Variants in ODAD2 observed in about 807,000 individuals in gnomAD.
ODAD2 encodes the protein outer dynein arm docking complex subunit 2.
ODAD2 carries 89 observed loss-of-function variants against 106.8 expected under a neutral mutation model. That is an observed-to-expected ratio of 0.83 (90% CI 0.70 to 0.99). The LOEUF is 0.99. Among genes scored for constraint, ODAD2 ranks in the 50% least tolerant of loss-of-function variants. The probability of loss-of-function intolerance (pLI) is 0.00; values close to 1 mark genes in which losing one functional copy is unlikely to be tolerated. For missense variants in ODAD2, 1,168 were observed against 1,238.5 expected (o/e 0.94, Z 0.85); for synonymous variants, 404 against 436.2 (o/e 0.93, Z 0.92).
chr10:27,897,088 C>G (rs1842910105), intron 17 of ODAD2, among the ~76,000 whole-genome samples: 1 of 152,118 alleles, frequency 6.6e-6, no homozygotes. Flanking sequence ...GTTGAACATT[C>G]TCCCTCCCTC....
intron 10 of ODAD2, among the ~76,000 whole-genome samples, chr10:27,952,398 T>A (rs1847411602): frequency 6.6e-6 from 1 of 152,018 alleles, no homozygotes; most frequent in Admixed American, 6.6e-5. Context: ...TATTTTATTT[T>A]TTTTTTTTAC....
intron 16 of ODAD2, 84 bp from the exon 17 acceptor site, chr10:27,907,861 T>G (rs1843712876): frequency 1.0e-6 from 1 of 967,736 alleles, no homozygotes; most frequent in African/African-American, 1.7e-5. Context: ...TTTAATTATT[T>G]TTTCTCCTTT....
intron 19 of ODAD2, among the ~76,000 whole-genome samples, chr10:27,852,137 C>T (rs987911637): frequency 3.3e-5 from 5 of 151,942 alleles, no homozygotes; most frequent in Admixed American, 6.6e-5. Flanking sequence ...AAGACCTGAA[C>T]GAATTTATCA....
At chr10:27,841,557 G>A (rs1398741292) in intron 19 of ODAD2, among the ~76,000 whole-genome samples, 7 of 151,816 alleles carry the variant, frequency 4.6e-5, no homozygotes, top group East Asian at 1.9e-4. Flanking sequence ...CACCATGCCC[G>A]GCTAATTTTT....
intron 9 of ODAD2, among the ~76,000 whole-genome samples, chr10:27,962,606 A>G (rs1227325514): frequency 2.0e-5 from 3 of 152,254 alleles, no homozygotes; most frequent in Non-Finnish European, 4.4e-5. Flanking sequence ...ACTCTGAGAG[A>G]CATTACCATG....
chr10:27,937,968 G>A (rs970460880), intron 14 of ODAD2, among the ~76,000 whole-genome samples: 8 of 151,850 alleles, frequency 5.3e-5, no homozygotes, highest in Non-Finnish European at 1.0e-4. Flanking sequence ...TTTTTAGATC[G>A]AGTTGCTCTC....
intron 17 of ODAD2, among the ~76,000 whole-genome samples, chr10:27,875,286 T>G (rs1165855930): frequency 2.0e-5 from 3 of 152,164 alleles, no homozygotes; most frequent in Non-Finnish European, 2.9e-5. Context: ...TTTAGCTGCT[T>G]TGTGATGGTT....
chr10:27,906,806 T>C (rs1026305780), intron 17 of ODAD2, among the ~76,000 whole-genome samples: 8 of 152,078 alleles, frequency 5.3e-5, no homozygotes, highest in African/African-American at 1.2e-4. Flanking sequence ...AAGCGGGAGT[T>C]GAACAATGAG....
intron 16 of ODAD2, among the ~76,000 whole-genome samples, chr10:27,914,143 C>T (rs555742442): frequency 6.6e-6 from 1 of 151,992 alleles, no homozygotes; most frequent in Non-Finnish European, 1.5e-5. Flanking sequence ...GAGTACTACA[C>T]AGCCATAAAA....
At chr10:27,915,682 G>C (rs1431567899) in intron 16 of ODAD2, among the ~76,000 whole-genome samples, 1 of 152,090 alleles carries the variant, frequency 6.6e-6, no homozygotes, top group Non-Finnish European at 1.5e-5. Context: ...AATGCTAGAA[G>C]GAAAAGAACT....
intron 16 of ODAD2, among the ~76,000 whole-genome samples, chr10:27,918,963 T>A (rs977686024): frequency 1.3e-5 from 2 of 150,082 alleles, no homozygotes; most frequent in Non-Finnish European, 3.0e-5. Context: ...AAACCACAAA[T>A]AAGTAGATAA....
intron 17 of ODAD2, chr10:27,904,236 A>T: frequency 2.5e-6 from 1 of 402,748 alleles, no homozygotes; most frequent in Non-Finnish European, 5.0e-6. Context: ...AGCCTTCCAG[A>T]CTTTCTGTAA....
chr10:27,929,086 G>A (rs1198106126), intron 16 of ODAD2, among the ~76,000 whole-genome samples: 5 of 152,122 alleles, frequency 3.3e-5, no homozygotes, highest in Non-Finnish European at 1.5e-5. Flanking sequence ...AAATTCGATT[G>A]TGTAAAGGTG....
At position 27,932,312 on chromosome 10, in the gene ODAD2, T is replaced by C. The variant is rs907278226; in HGVS notation, c.2495+2698A>G. Among the ~76,000 whole-genome samples the C allele has an allele frequency of 3.9e-5, 6 of 152,256 alleles. No individual in the cohort carries two copies. The Middle Eastern group carries it at 0.01, about 259-fold the overall frequency. On this transcript the variant is annotated intron_variant, in intron 16 of 19. Coordinates refer to ENST00000305242, the MANE Select transcript of ODAD2 (RefSeq NM_018076.5). ...TTGAAATCTCATGAAAGTTATTGAA[T>C]ACTGTACTGAAATTGAAGAAAAGAA...
intron 19 of ODAD2, 38 bp downstream of exon 19, chr10:27,860,587 C>G (rs1839967266): frequency 1.9e-6 from 3 of 1,590,208 alleles, no homozygotes; most frequent in Non-Finnish European, 2.6e-6. Flanking sequence ...GCTACATTTA[C>G]CAAACTTGGA....
At chr10:27,853,968 G>A (rs779369913) in intron 19 of ODAD2, among the ~76,000 whole-genome samples, 2 of 151,976 alleles carry the variant, frequency 1.3e-5, no homozygotes, top group Non-Finnish European at 2.9e-5. Flanking sequence ...AGCTACAGAC[G>A]GGGAGAAAAT....
At chr10:27,877,035 C>T (rs1198043009) in intron 17 of ODAD2, among the ~76,000 whole-genome samples, 2 of 151,870 alleles carry the variant, frequency 1.3e-5, no homozygotes, top group African/African-American at 4.8e-5. Context: ...GTCTATCACT[C>T]AGTGAACATT....
At chr10:27,948,779 A>ATTTTTTTTT (rs11451204) in intron 10 of ODAD2, among the ~76,000 whole-genome samples, 18 of 40,320 alleles carry the variant, frequency 4.5e-4, no homozygotes, top group East Asian at 1.7e-3. Flanking sequence ...TGGCCTTTGG[A>ATTTTTTTTT]TTTTTTTTTT....
At chr10:27,962,986 A>C (rs1246965650) in intron 9 of ODAD2, among the ~76,000 whole-genome samples, 1 of 151,048 alleles carries the variant, frequency 6.6e-6, no homozygotes, top group Non-Finnish European at 1.5e-5. Context: ...AGCAGCCACC[A>C]GTTTTGTCTA....
Sources: gnomAD v4.1 joint callset for allele counts (sites outside exome capture counted in the v4.1 genomes callset) on GRCh38, gnomAD v4.1.1 for gene constraint, MANE v1.5 for transcripts, NCBI Gene and HGNC (gene_info 2026-07-23, HGNC 2026-07-21) for gene names.